CACTIN: variants seen among roughly 807,000 people sequenced by gnomAD.
CACTIN encodes cactin, spliceosome C complex subunit.
Under a neutral mutation model 84.9 loss-of-function variants are expected in CACTIN, and 20 were observed. That is an observed-to-expected ratio of 0.24 (90% CI 0.17 to 0.34). CACTIN has a LOEUF of 0.34. CACTIN is among the 10% of genes least tolerant of loss of function. CACTIN has a pLI of 1.00. For synonymous variants in CACTIN, 549 were observed against 467.9 expected, an observed-to-expected ratio of 1.17 and a Z score of -2.24; for missense variants, 897 against 1,117.2, an observed-to-expected ratio of 0.80 and a Z score of 2.81.
At chr19:3,616,043 G>A (rs1453611327) in intron 6 of CACTIN, 1 of 152,134 alleles carries the variant, frequency 6.6e-6, no homozygotes, top group African/African-American at 2.4e-5. Flanking sequence ...TAGAAAGCCG[G>A]GTCTGGACAT....
chr19:3,612,141 C>T lies in CACTIN; in HGVS notation c.2059G>A (p.Asp687Asn), dbSNP rs376455756. Residue 687 changes from aspartate to asparagine, a missense_variant, in exon 10 of 10, where the codon GAC becomes AAC. Asp to Asn is a conservative substitution (Grantham distance 23, BLOSUM62 1). This residue lies in a region of CACTIN where 50 missense variants were observed against 51.6 expected (regional missense o/e 0.97). Coordinates refer to ENST00000429344, the MANE Select transcript of CACTIN (RefSeq NM_001080543.2). ...AAGTACTCGGGCGTGGAGCGCTTGT[C>T]GATGAGGTCGGGGTAGAAGATGTTG... ...KFNIFYPDLI[D>N]KRSTPEYFLE... The T allele has an allele frequency of 2.3e-5, 37 of 1,613,636 alleles. No homozygotes were observed. Among genetic ancestry groups the T allele is most frequent in the Non-Finnish European group, 3.0e-5 (35 of 1,179,906 alleles).
At chr19:3,619,570 G>A (rs1169967715) in intron 4 of CACTIN, among the ~76,000 whole-genome samples, 1 of 152,198 alleles carries the variant, frequency 6.6e-6, no homozygotes, top group African/African-American at 2.4e-5. Flanking sequence ...GAGTGGAGGA[G>A]CTGAAGCAGA....
At chr19:3,625,490 G>A (rs1003071864) in intron 1 of CACTIN, among the ~76,000 whole-genome samples, 1 of 152,206 alleles carries the variant, frequency 6.6e-6, no homozygotes, top group African/African-American at 2.4e-5. Flanking sequence ...AGCACTTTGG[G>A]AGGCCGAGGC....
intron 1 of CACTIN, 140 bp from the exon 2 acceptor site, chr19:3,624,302 G>A: frequency 1.4e-6 from 1 of 739,866 alleles, no homozygotes. Flanking sequence ...GATGGCTTCT[G>A]CCTTCCTGGG....
In CACTIN at chr19:3,626,759, C is replaced by T; in HGVS notation, c.4G>A (p.Gly2Ser). 7.0e-7 allele frequency: 1 copy of T among 1,435,856 alleles called. No individual in the cohort carries two copies. The allele number at this position is 1,435,856 out of a possible 1,614,324, so 88.9% of individuals were successfully genotyped here. A position where few individuals can be genotyped will look rare whatever the true frequency, so the allele number is the denominator to read the frequency against. MGRDTRSRSRSA... is the reference protein window; with the variant it reads MSRDTRSRSRSA... ...CGCGAGCGCGAGCGTGTGTCCCGAC[C>T]CATCGGCTGGGCCAGTGGCCGCGGC... is the stretch of plus-strand genomic sequence containing the variant. Residue 2 changes from glycine to serine, a missense_variant, in exon 1 of 10, where the codon GGT becomes AGT. By Grantham distance (56) the Gly-to-Ser change is moderately conservative. Around this residue, in one of 8 missense-constraint regions of CACTIN, gnomAD observed 261 missense variants for 243.8 expected, o/e 1.07. Coordinates refer to ENST00000429344, the MANE Select transcript of CACTIN (RefSeq NM_001080543.2).
rs2032949583 is a variant in CACTIN at position 3,611,496 on chromosome 19, ACCG to A, written c.*424_*426del. 3 of 369,834 alleles carry A rather than the reference ACCG, an allele frequency of 8.1e-6. No homozygotes were observed. In the Admixed American group the frequency reaches 1.2e-4, roughly 15 times the overall value. 22.9% of individuals were successfully genotyped at this position (369,834 alleles called of 1,614,324 possible). On this transcript the variant is annotated 3_prime_UTR_variant, in exon 10 of 10. Coordinates refer to ENST00000429344, the MANE Select transcript of CACTIN (RefSeq NM_001080543.2). ...GTTTCCTGCTTCTCACGAGCCTGGCACCGCCAAGCCCAGGCCCCTCTGGCCCAT... is the reference window on the plus strand; with the variant it reads ...GTTTCCTGCTTCTCACGAGCCTGGCACCAAGCCCAGGCCCCTCTGGCCCAT...
chr19:3,613,349 C>T lies in CACTIN; in HGVS notation c.1495G>A (p.Ala499Thr), dbSNP rs2033017696. 6.6e-7 allele frequency: 1 copy of T among 1,509,034 alleles called. No homozygotes were observed. The highest frequency in any genetic ancestry group is 8.8e-7 in the Non-Finnish European group (1 of 1,134,822). 93.5% of individuals were successfully genotyped at this position (1,509,034 alleles called of 1,614,324 possible). The change falls in exon 9 of 10, where the codon GCG (alanine) becomes ACG (threonine). Residue 499 changes from alanine to threonine, a missense_variant. Ala to Thr is a moderately conservative substitution (Grantham distance 58). Coordinates refer to ENST00000429344, the MANE Select transcript of CACTIN (RefSeq NM_001080543.2). The stretch of plus-strand genomic sequence containing the variant: ...GAGGGCCCGGGCGGGGTGGGCGCCG[C>T]GTCCTCAGGCTCCAGGCTGGGAGGA... ...SPSRSLEPED[A>T]APTPPGPSSE...
chr19:3,614,924 T>G, intron 6 of CACTIN: 1 of 393,756 alleles, frequency 2.5e-6, no homozygotes, highest in Non-Finnish European at 4.8e-6. Flanking sequence ...GAACCCTAGT[T>G]GTGGGCCCGG....
chr19:3,625,973 T>A (rs994383433), intron 1 of CACTIN, among the ~76,000 whole-genome samples: 1 of 152,224 alleles, frequency 6.6e-6, no homozygotes, highest in African/African-American at 2.4e-5. Context: ...GAATCAGCTG[T>A]GAGTCCTGCC....
chr19:3,618,380 C>CG (rs2145324960), intron 6 of CACTIN, among the ~76,000 whole-genome samples: 1 of 152,104 alleles, frequency 6.6e-6, no homozygotes, highest in South Asian at 2.1e-4. Flanking sequence ...TCAGGGTAGA[C>CG]GCTTTAGAGC....
At chr19:3,617,570 C>G (rs2033129622) in intron 6 of CACTIN, among the ~76,000 whole-genome samples, 1 of 152,034 alleles carries the variant, frequency 6.6e-6, no homozygotes, top group Non-Finnish European at 1.5e-5. Context: ...GCTGGAAACG[C>G]CTCCCAGGCT....
At chr19:3,617,495 G>A (rs144112194) in intron 6 of CACTIN, among the ~76,000 whole-genome samples, 2,058 of 152,310 alleles carry the variant, frequency 0.014, 27 homozygotes, top group Non-Finnish European at 0.023. Flanking sequence ...AGGGCTGAGC[G>A]ACGTGGTGGA....
chr19:3,623,939 C>T lies in CACTIN; in HGVS notation c.391G>A (p.Ala131Thr), dbSNP rs2033279554. Reference sequence around the variant, plus strand: ...CTCTGCTGCTGGCTCAGGGCAGCCGCGGCCGCCCGGGGGCTCTGGGATCGC... The same window carrying T: ...CTCTGCTGCTGGCTCAGGGCAGCCGTGGCCGCCCGGGGGCTCTGGGATCGC... ...PGRSQSPRAA[A>T]AALSQQQSLQ... is the part of the protein sequence containing the mutation. The change falls in exon 2 of 10, where the codon GCG (alanine) becomes ACG (threonine). Residue 131 changes from alanine to threonine, a missense_variant. Around this residue, in one of 8 missense-constraint regions of CACTIN, gnomAD observed 261 missense variants for 243.8 expected, o/e 1.07. Coordinates refer to ENST00000429344, the MANE Select transcript of CACTIN (RefSeq NM_001080543.2). 3.1e-6 allele frequency: 5 copies of T among 1,603,232 alleles called. No individual in the cohort carries two copies. Among genetic ancestry groups the T allele is most frequent in the African/African-American group, 1.3e-5 (1 of 74,976 alleles).
intron 1 of CACTIN, 97 bp from the exon 2 acceptor site, chr19:3,624,259 AG>A: frequency 8.6e-7 from 1 of 1,158,654 alleles, no homozygotes; most frequent in Non-Finnish European, 1.2e-6. Flanking sequence ...GCACTGTTCT[AG>A]GTTCTGGGGA....
intron 1 of CACTIN, 91 bp from the exon 2 acceptor site, chr19:3,624,253 T>C (rs1599896515): frequency 1.7e-6 from 2 of 1,200,604 alleles, no homozygotes; most frequent in Admixed American, 2.3e-5. Context: ...GAGCAGGCAC[T>C]GTTCTAGGTT....
At chr19:3,614,064 T>C in intron 7 of CACTIN, 1 of 497,800 alleles carries the variant, frequency 2.0e-6, no homozygotes, top group Non-Finnish European at 3.7e-6. Flanking sequence ...GCAGGCCGCC[T>C]GGGGGCTTCC....
chr19:3,611,248 C>G lies in CACTIN; in HGVS notation c.*675G>C. ...CCATACCCGCTGCGGGGAAATGGAC[C>G]CCACCAGCCAGCACGGGGTGAGTTG... is the stretch of plus-strand genomic sequence containing the variant. On this transcript the variant is annotated 3_prime_UTR_variant, in exon 10 of 10. Coordinates refer to ENST00000429344, the MANE Select transcript of CACTIN (RefSeq NM_001080543.2). 1 of 445,402 alleles carries G rather than the reference C, an allele frequency of 2.2e-6. No homozygotes were observed. Among genetic ancestry groups the G allele is most frequent in the South Asian group, 1.6e-5 (1 of 63,290 alleles). The allele number at this position is 445,402 out of a possible 1,614,324, so 27.6% of individuals were successfully genotyped here. A position where few individuals can be genotyped will look rare whatever the true frequency, so the allele number is the denominator to read the frequency against.
intron 6 of CACTIN, among the ~76,000 whole-genome samples, chr19:3,618,411 T>C (rs1467368294): frequency 6.6e-6 from 1 of 151,324 alleles, no homozygotes; most frequent in African/African-American, 2.4e-5. Context: ...ACCATGTGTG[T>C]GCAACCACAC....
intron 9 of CACTIN, 122 bp downstream of exon 9, chr19:3,612,936 G>T (rs982310292): frequency 1.6e-5 from 19 of 1,197,230 alleles, no homozygotes; most frequent in Admixed American, 4.0e-5. Context: ...GAGACCCGGG[G>T]GAGAAGCAGC....
Sources: gnomAD v4.1 joint callset for allele counts (sites outside exome capture counted in the v4.1 genomes callset) on GRCh38, gnomAD v4.1.1 for gene constraint, gnomAD v4.1.1 regional missense constraint, MANE v1.5 for transcripts, NCBI Gene and HGNC (gene_info 2026-07-23, HGNC 2026-07-21) for gene names.